The following PCDHGA6 variants were observed in gnomAD, a reference collection of about 807,000 sequenced individuals.
The protein encoded by PCDHGA6 is protocadherin gamma-A6.
In PCDHGA6, 41 loss-of-function variants were observed where a neutral mutation model predicts 60.6. The observed-to-expected ratio is 0.68, with a 90% confidence interval of 0.53 to 0.88. PCDHGA6 has a LOEUF of 0.88. Among genes scored for constraint, PCDHGA6 ranks in the 40% least tolerant of loss-of-function variants. PCDHGA6 has a pLI of 0.00. For missense variants in PCDHGA6, 1,312 were observed against 1,203.0 expected (o/e 1.09, Z -1.34); for synonymous variants, 594 against 524.4 (o/e 1.13, Z -1.81).
chr5:141,487,392 G>A lies in PCDHGA6; in HGVS notation c.2425-7415G>A, dbSNP rs773126086. 2 of 1,614,176 alleles carry A rather than the reference G, an allele frequency of 1.2e-6. No individual in the cohort carries two copies. Among genetic ancestry groups the A allele is most frequent in the Non-Finnish European group, 1.7e-6 (2 of 1,180,024 alleles). On this transcript the variant is annotated intron_variant, in intron 1 of 3. Transcript: ENST00000517434. This position sits in a 1 kb window ranked among gnomAD's most constrained non-coding sequence, Gnocchi z 5.0. ...GCCTGTCTCACCAGATCTCGAAGGA[G>A]GGAGGGGCTTCCCCCTTCCAATGGG...
At position 141,485,685 on chromosome 5, in the gene PCDHGA6, G is replaced by A; in HGVS notation, c.2425-9122G>A. ...GGGAGCAATTCGATTAGCAGCTATA[G>A]GCTGAGCTCCAATGAACACTTTGCA... On this transcript the variant is annotated intron_variant, in intron 1 of 3. Coordinates refer to ENST00000517434, the MANE Select transcript of PCDHGA6 (RefSeq NM_018919.3). This position sits in a 1 kb window ranked among gnomAD's most constrained non-coding sequence, Gnocchi z 5.7. 1.2e-6 allele frequency: 2 copies of A among 1,614,052 alleles called. No homozygotes were observed. The highest frequency in any genetic ancestry group is 1.3e-5 in the African/African-American group (1 of 75,072).
chr5:141,422,140 C>A, intron 1 of PCDHGA6: 1 of 1,586,776 alleles, frequency 6.3e-7, no homozygotes, highest in Non-Finnish European at 8.5e-7. Flanking sequence ...AGTTCAAGTA[C>A]GGGGGTCTCT....
chr5:141,434,768 T>C (rs6580188), intron 1 of PCDHGA6, among the ~76,000 whole-genome samples: 81,499 of 151,296 alleles, frequency 0.54, 23,977 homozygotes, highest in African/African-American at 0.79. Context: ...CACTTCACAC[T>C]TCTAAAAAAA....
At chr5:141,418,572 A>G (rs777784393) in intron 1 of PCDHGA6, 5 of 1,613,794 alleles carry the variant, frequency 3.1e-6, no homozygotes, top group Non-Finnish European at 4.2e-6. Flanking sequence ...GCCAATGACA[A>G]CCCCCCAGTG....
At chr5:141,410,097 T>G (rs745439318) in intron 1 of PCDHGA6, 3 of 1,612,664 alleles carry the variant, frequency 1.9e-6, no homozygotes, top group Non-Finnish European at 2.5e-6. Context: ...GCTCGAGCCT[T>G]AGGCGACAGG....
intron 1 of PCDHGA6, chr5:141,408,899 A>G (rs1379621758): frequency 1.2e-6 from 2 of 1,613,316 alleles, no homozygotes; most frequent in Non-Finnish European, 8.5e-7. Context: ...AATTTCTGTC[A>G]AGGATACCAA....
intron 1 of PCDHGA6, chr5:141,399,003 A>C: frequency 6.2e-7 from 1 of 1,613,966 alleles, no homozygotes; most frequent in East Asian, 2.2e-5. Context: ...GTCTGAATTC[A>C]AAGAGCGGAG....
intron 1 of PCDHGA6, among the ~76,000 whole-genome samples, chr5:141,437,486 G>A (rs530079212): frequency 2.6e-5 from 4 of 152,224 alleles, no homozygotes; most frequent in South Asian, 2.1e-4. Flanking sequence ...ATTTAATCTC[G>A]TAGATCACTT....
In PCDHGA6 at chr5:141,375,444, A is replaced by C; in HGVS notation, c.1361A>C (p.His454Pro). The change falls in exon 1 of 4, where the codon CAT (histidine) becomes CCT (proline). Residue 454 changes from histidine (H) to proline (P), a missense_variant. Physicochemically the swap from His to Pro is moderately conservative, Grantham distance 77. Coordinates refer to ENST00000517434, the MANE Select transcript of PCDHGA6 (RefSeq NM_018919.3). ...AACGACAACCCGCCCACCTTCCCCC[A>C]TTCATCCTACTCAGTCTATGTCCTT... ...DTNDNPPTFP[H>P]SSYSVYVLEN... 2.5e-6 allele frequency: 4 copies of C among 1,613,844 alleles called. No homozygotes were observed. The highest frequency in any genetic ancestry group is 3.4e-6 in the Non-Finnish European group (4 of 1,179,978).
intron 1 of PCDHGA6, chr5:141,415,732 T>G (rs1159160519): frequency 5.0e-6 from 7 of 1,411,138 alleles, no homozygotes; most frequent in Non-Finnish European, 6.5e-6. Context: ...AATTTGATGT[T>G]TATTAAGGTT....
At chr5:141,385,013 T>C (rs1588986326) in intron 1 of PCDHGA6, 1 of 1,614,162 alleles carries the variant, frequency 6.2e-7, no homozygotes, top group Non-Finnish European at 8.5e-7. Context: ...TGCGTCTTCC[T>C]AGCCTTCGTC....
rs2150062565 is a variant in PCDHGA6 at position 141,375,578 on chromosome 5, G to A, written c.1495G>A (p.Ala499Thr). The change falls in exon 1 of 4, where the codon GCG becomes ACG. Residue 499 changes from alanine (A) to threonine (T), a missense_variant. Transcript: ENST00000517434. ...YSLAEDTLQG[A>T]PLSSYVSINS... ...ACTGGCAGAAGACACCCTCCAGGGG[G>A]CGCCCCTGTCCTCCTACGTGTCCAT... 3 of 1,614,062 alleles carry A rather than the reference G, an allele frequency of 1.9e-6. No homozygotes were observed. The highest frequency in any genetic ancestry group is 2.5e-6 in the Non-Finnish European group (3 of 1,179,974).
At position 141,486,045 on chromosome 5, in the gene PCDHGA6, A is replaced by G. The variant is rs2099623524; in HGVS notation, c.2425-8762A>G. The G allele has an allele frequency of 4.3e-6, 7 of 1,613,428 alleles. No individual in the cohort carries two copies. The highest frequency in any genetic ancestry group is 5.1e-6 in the Non-Finnish European group (6 of 1,179,858). ...GGTCATACCCCTGATCGTGTAAGAA[A>G]CCTCTTTAGCCTGCACCCCACTACT... On this transcript the variant is annotated intron_variant, in intron 1 of 3. Coordinates refer to ENST00000517434, the MANE Select transcript of PCDHGA6 (RefSeq NM_018919.3). This position sits in a 1 kb window ranked among gnomAD's most constrained non-coding sequence, Gnocchi z 5.0.
intron 1 of PCDHGA6, chr5:141,400,386 A>G (rs766907172): frequency 5.0e-6 from 8 of 1,614,040 alleles, no homozygotes; most frequent in Non-Finnish European, 5.1e-6. Context: ...TATGTGTTGC[A>G]CATACAGGAA....
At chr5:141,404,041 A>G in intron 1 of PCDHGA6, 1 of 1,613,936 alleles carries the variant, frequency 6.2e-7, no homozygotes, top group Non-Finnish European at 8.5e-7. Context: ...CACCTCAGGG[A>G]ACAGTAATTC....
At chr5:141,482,755 T>TGA (rs1554165462) in intron 1 of PCDHGA6, among the ~76,000 whole-genome samples, 1 of 143,580 alleles carries the variant, frequency 7.0e-6, no homozygotes, top group Admixed American at 6.9e-5. Context: ...GGGATTATGG[T>TGA]ATTTCATTAT....
At chr5:141,397,813 A>G (rs2093571371) in intron 1 of PCDHGA6, among the ~76,000 whole-genome samples, 2 of 152,216 alleles carry the variant, frequency 1.3e-5, no homozygotes, top group Non-Finnish European at 2.9e-5. Flanking sequence ...GCACACAAAA[A>G]CAATTACTGC....
At chr5:141,478,838 T>C (rs1439577444) in intron 1 of PCDHGA6, 1 of 1,426,484 alleles carries the variant, frequency 7.0e-7, no homozygotes, top group Non-Finnish European at 9.2e-7. Flanking sequence ...TAAGGGATGG[T>C]TAAGCTAAAA....
chr5:141,409,416 T>G (rs770750853), intron 1 of PCDHGA6: 1 of 1,613,964 alleles, frequency 6.2e-7, no homozygotes, highest in South Asian at 1.1e-5. Flanking sequence ...TACAAACTGG[T>G]GACAGATGGA....
Sources: allele counts gnomAD v4.1 joint callset (sites outside exome capture counted in the v4.1 genomes callset), GRCh38; gene constraint gnomAD v4.1.1; non-coding constraint Gnocchi (gnomAD v3.1); transcripts MANE v1.5; gene names NCBI Gene and HGNC (gene_info 2026-07-23, HGNC 2026-07-21).